ST6GALNAC2: variants seen among roughly 807,000 people sequenced by gnomAD.
ST6GALNAC2 encodes the protein alpha-N-acetylgalactosaminide alpha-2,6-sialyltransferase 2.
ST6GALNAC2 carries 42 observed loss-of-function variants against 38.7 expected under a neutral mutation model. The observed-to-expected ratio is 1.09, with a 90% CI of 0.85 to 1.40. The LOEUF is 1.40. ST6GALNAC2 is among the 40% of genes most tolerant of loss of function. The pLI, the probability that ST6GALNAC2 is intolerant of heterozygous loss-of-function variation, is 0.00. For missense variants in ST6GALNAC2, 506 were observed against 481.7 expected (o/e 1.05, Z -0.47); for synonymous variants, 233 against 209.0 (o/e 1.11, Z -0.99).
chr17:76,570,383 AAGT>A (rs1477091198), intron 6 of ST6GALNAC2, 179 bp downstream of exon 6: 1 of 583,510 alleles, frequency 1.7e-6, no homozygotes, highest in Non-Finnish European at 3.1e-6. Flanking sequence ...GGTAGACAAA[AAGT>A]AGAATTTCCC....
rs1390566113 is a variant in ST6GALNAC2 at position 76,565,938 on chromosome 17, G to A, written c.*166C>T. ...GAGTTCTTGGATGAGCCAAGGACAA[G>A]CTGGGGTGTCCTATATTGAACAGAC... is the stretch of plus-strand genomic sequence containing the variant. On this transcript the variant is annotated 3_prime_UTR_variant, in exon 9 of 9. Coordinates refer to ENST00000225276, the MANE Select transcript of ST6GALNAC2 (RefSeq NM_006456.3). 1 of 651,622 alleles carries A rather than the reference G, an allele frequency of 1.5e-6. No individual in the cohort carries two copies. The highest frequency in any genetic ancestry group is 2.6e-6 in the Non-Finnish European group (1 of 391,242). The allele number at this position is 651,622 out of a possible 1,614,324, so 40.4% of individuals were successfully genotyped here.
intron 1 of ST6GALNAC2, 56 bp downstream of exon 1, chr17:76,585,628 C>T (rs553240939): frequency 2.2e-5 from 32 of 1,466,018 alleles, no homozygotes; most frequent in Non-Finnish European, 2.6e-5. Context: ...GCTGGGGACC[C>T]TCCCCGCGCC....
chr17:76,576,107 G>T (rs1037167391), intron 2 of ST6GALNAC2, among the ~76,000 whole-genome samples: 12 of 152,148 alleles, frequency 7.9e-5, no homozygotes, highest in East Asian at 3.8e-4. Flanking sequence ...CATTAGCCAG[G>T]CATGGTGGCC....
chr17:76,568,821 A>C, intron 6 of ST6GALNAC2, 25 bp from the exon 7 acceptor site: 1 of 1,610,826 alleles, frequency 6.2e-7, no homozygotes, highest in Middle Eastern at 1.7e-4. Context: ...AGAAGTGGAC[A>C]GAGCGCCCAG....
chr17:76,576,265 A>C (rs979543574), intron 2 of ST6GALNAC2, among the ~76,000 whole-genome samples: 2 of 152,168 alleles, frequency 1.3e-5, no homozygotes, highest in African/African-American at 2.4e-5. Context: ...AAACAACAAT[A>C]GCAAAACGAA....
intron 5 of ST6GALNAC2, 25 bp from the exon 6 acceptor site, chr17:76,570,693 C>T (rs774408541): frequency 3.8e-6 from 6 of 1,567,852 alleles, no homozygotes; most frequent in Non-Finnish European, 4.4e-6. Flanking sequence ...ACAATGAGCC[C>T]AGAGGGGAAC....
chr17:76,566,106 A>G lies in ST6GALNAC2; in HGVS notation c.1123T>C (p.Ter375ArgextTer25), dbSNP rs1331234432. 6.2e-7 allele frequency: 1 copy of G among 1,613,582 alleles called. No individual in the cohort carries two copies. The highest frequency in any genetic ancestry group is 1.3e-5 in the African/African-American group (1 of 74,904). ...GCAAAGGGCTCAGTGCATTGGGGTC[A>G]GCGCTGGTACAGCTGAAGGATGCCG... ...KAGILQLYQR[*>R] Residue 375 changes from the stop codon to arginine (R), a stop_lost, in exon 9 of 9, where the codon TGA (stop) becomes CGA (arginine). Transcript: ENST00000225276.
chr17:76,570,471 T>C, intron 6 of ST6GALNAC2, 94 bp downstream of exon 6: 1 of 809,872 alleles, frequency 1.2e-6, no homozygotes. Context: ...CACCTCCTCT[T>C]ACCCCATGAT....
chr17:76,570,585 C>T lies in ST6GALNAC2; in HGVS notation c.753G>A (p.Glu251=). 1.9e-6 allele frequency: 3 copies of T among 1,612,510 alleles called. No individual in the cohort carries two copies. The highest frequency in any genetic ancestry group is 2.5e-6 in the Non-Finnish European group (3 of 1,179,378). The part of the protein sequence containing the change: ...RSAILGVPVP[E]GLDKGDRPHA... ...CTCACCTGTCCCCTTTATCTAGGCC[C>T]TCAGGGACAGGCACGCCCAGAATGG... The change falls in exon 6 of 9, where the codon GAG becomes GAA. Residue 251 remains glutamate, a synonymous_variant. Transcript: ENST00000225276.
chr17:76,585,515 G>T (rs2075534860), intron 1 of ST6GALNAC2, among the ~76,000 whole-genome samples, 169 bp downstream of exon 1: 1 of 152,212 alleles, frequency 6.6e-6, no homozygotes. Context: ...CTGGGAGAGG[G>T]TTCTGGCGAC....
At chr17:76,574,813 T>A (rs1214271701) in intron 2 of ST6GALNAC2, among the ~76,000 whole-genome samples, 3 of 151,776 alleles carry the variant, frequency 2.0e-5, no homozygotes, top group Admixed American at 6.6e-5. Flanking sequence ...AGTAGCTGGG[T>A]CTACAGGCGC....
rs779900113 is a variant in ST6GALNAC2 at position 76,574,383 on chromosome 17, G to C, written c.343C>G (p.Arg115Gly). Residue 115 changes from arginine (R) to glycine (G), a missense_variant, in exon 3 of 9, where the codon CGG (arginine) becomes GGG (glycine). Coordinates refer to ENST00000225276, the MANE Select transcript of ST6GALNAC2 (RefSeq NM_006456.3). ...LSQHKAPYGW[R>G]GLSHQVIAST... ...GGGTTACCTTGGTGAGAGAGCCCCC[G>C]CCAGCCATACGGGGCTTTGTGTTGG... is the stretch of plus-strand genomic sequence containing the variant. 1.4e-5 allele frequency: 22 copies of C among 1,612,606 alleles called. No individual in the cohort carries two copies. The highest frequency in any genetic ancestry group is 1.7e-5 in the Admixed American group (1 of 59,910).
chr17:76,580,097 CAG>C (rs1378613803), intron 1 of ST6GALNAC2, among the ~76,000 whole-genome samples: 2 of 152,128 alleles, frequency 1.3e-5, no homozygotes, highest in Admixed American at 6.6e-5. Flanking sequence ...AGGGTTCAAA[CAG>C]AGACTGTATG....
At chr17:76,580,410 T>C (rs1351107876) in intron 1 of ST6GALNAC2, among the ~76,000 whole-genome samples, 1 of 149,986 alleles carries the variant, frequency 6.7e-6, no homozygotes, top group Non-Finnish European at 1.5e-5. Flanking sequence ...AGAGTGAAAC[T>C]CCTGGCCGGG....
At chr17:76,569,771 C>G (rs1220005794) in intron 6 of ST6GALNAC2, 9 of 215,362 alleles carry the variant, frequency 4.2e-5, no homozygotes, top group East Asian at 7.8e-5. Flanking sequence ...AATCACCAAG[C>G]GGGGGTGGGG....
Position 76,570,572 on chromosome 17 carries a change from C to A in ST6GALNAC2, c.766G>T (p.Gly256Trp). 1 of 1,610,388 alleles carries A rather than the reference C, an allele frequency of 6.2e-7. No individual in the cohort carries two copies. The highest frequency in any genetic ancestry group is 2.2e-5 in the East Asian group (1 of 44,840). The change falls in exon 6 of 9, where the codon GGG becomes TGG. Residue 256 changes from glycine (G) to tryptophan (W), a missense_variant. Gly to Trp is a radical substitution (Grantham distance 184). Transcript: ENST00000225276. ...CACGGCCTGGCTGCTCACCTGTCCC[C>A]TTTATCTAGGCCCTCAGGGACAGGC... ...GVPVPEGLDKGDRPHAYFGPE... is the reference protein window; with the variant it reads ...GVPVPEGLDKWDRPHAYFGPE...
chr17:76,574,379 C>A lies in ST6GALNAC2; in HGVS notation c.347G>T (p.Gly116Val), dbSNP rs1459389930. The A allele has an allele frequency of 6.2e-7, 1 of 1,612,474 alleles. No individual in the cohort carries two copies. Among genetic ancestry groups the A allele is most frequent in the Non-Finnish European group, 8.5e-7 (1 of 1,179,242 alleles). The change falls in exon 3 of 9, where the codon GGG becomes GTG. Residue 116 changes from glycine to valine, a missense_variant. Transcript: ENST00000225276. Reference sequence around the variant, plus strand: ...GCGCGGGTTACCTTGGTGAGAGAGCCCCCGCCAGCCATACGGGGCTTTGTG... The same window carrying A: ...GCGCGGGTTACCTTGGTGAGAGAGCACCCGCCAGCCATACGGGGCTTTGTG... ...SQHKAPYGWR[G>V]LSHQVIASTL...
rs936911590 is a variant in ST6GALNAC2, at chr17:76,573,091, G to A, written c.530+104C>T. On this transcript the variant is annotated intron_variant, in intron 4 of 8. Transcript: ENST00000225276. This position sits in a 1 kb window ranked among gnomAD's most constrained non-coding sequence, Gnocchi z 5.1. ...CCCGTGTGCTGGTCACAACTGCTGA[G>A]CCGCCCAGGCCACTGCTGCCATAGC... The A allele has an allele frequency of 4.7e-6, 6 of 1,285,740 alleles. No homozygotes were observed. The highest frequency in any genetic ancestry group is 2.4e-5 in the Admixed American group (1 of 42,370). The allele number at this position is 1,285,740 out of a possible 1,614,324, so 79.6% of individuals were successfully genotyped here.
intron 1 of ST6GALNAC2, 61 bp from the exon 2 acceptor site, chr17:76,578,877 T>C: frequency 2.0e-6 from 3 of 1,513,788 alleles, no homozygotes; most frequent in Non-Finnish European, 2.7e-6. Context: ...TTGGAAGCTT[T>C]TGGACTGACC....
Sources: gnomAD v4.1 joint callset for allele counts (sites outside exome capture counted in the v4.1 genomes callset) on GRCh38, gnomAD v4.1.1 for gene constraint, Gnocchi (gnomAD v3.1) non-coding constraint, MANE v1.5 for transcripts, NCBI Gene and HGNC (gene_info 2026-07-23, HGNC 2026-07-21) for gene names.